COL23A1: variants seen among roughly 807,000 people sequenced by gnomAD.
COL23A1 encodes the protein collagen alpha-1(XXIII) chain.
COL23A1 carries 97 observed loss-of-function variants against 99.3 expected under a neutral mutation model. The observed-to-expected ratio is 0.98, with a 90% confidence interval of 0.83 to 1.16. The LOEUF is 1.16. COL23A1 is among the 50% of genes most tolerant of loss of function. COL23A1 has a pLI of 0.00. For synonymous variants in COL23A1, 320 were observed against 308.2 expected (o/e 1.04, Z -0.40); for missense variants, 762 against 757.4 (o/e 1.01, Z -0.07).
chr5:178,324,555 TCGCTCCGTTG>T (rs1266960687), intron 2 of COL23A1, among the ~76,000 whole-genome samples: 3 of 152,152 alleles, frequency 2.0e-5, no homozygotes, highest in African/African-American at 4.8e-5. Flanking sequence ...GTCACGCAAG[TCGCTCCGTTG>T]CTTTTCACAG....
chr5:178,538,748 C>T (rs1470579982), intron 2 of COL23A1, among the ~76,000 whole-genome samples: 1 of 152,160 alleles, frequency 6.6e-6, no homozygotes, highest in Non-Finnish European at 1.5e-5. Flanking sequence ...GAAATGAAAA[C>T]ATATGTTCCC....
At position 178,434,537 on chromosome 5, in the gene COL23A1, G is replaced by A. The variant is rs749329399; in HGVS notation, c.361+126145C>T. On this transcript the variant is annotated intron_variant, in intron 2 of 28. Coordinates refer to ENST00000390654, the MANE Select transcript of COL23A1 (RefSeq NM_173465.4). This position sits in a 1 kb window ranked among gnomAD's most constrained non-coding sequence, Gnocchi z 4.3. ...AGATCAAAGGAGAGGAGGGGCAGCTGAGCCCCAGCCTGGGGCCTTCCCTGG... is the reference window on the plus strand; with the variant it reads ...AGATCAAAGGAGAGGAGGGGCAGCTAAGCCCCAGCCTGGGGCCTTCCCTGG... 5.9e-5 allele frequency among the ~76,000 whole-genome samples: 9 copies of A among 152,202 alleles called. No homozygotes were observed. The highest frequency in any genetic ancestry group is 1.0e-4 in the Non-Finnish European group (7 of 68,022).
chr5:178,466,272 T>C (rs1381495674), intron 2 of COL23A1, among the ~76,000 whole-genome samples: 1 of 152,172 alleles, frequency 6.6e-6, no homozygotes, highest in Non-Finnish European at 1.5e-5. Context: ...ATTTGATGCA[T>C]CTGCAGAGCA....
intron 2 of COL23A1, among the ~76,000 whole-genome samples, chr5:178,542,732 T>A (rs1281081983): frequency 1.3e-5 from 2 of 151,306 alleles, no homozygotes; most frequent in Non-Finnish European, 2.9e-5. Flanking sequence ...CTGGGGAGAG[T>A]TCCCTCTCTG....
At chr5:178,284,476 T>C (rs989626534) in intron 5 of COL23A1, among the ~76,000 whole-genome samples, 1 of 152,224 alleles carries the variant, frequency 6.6e-6, no homozygotes, top group African/African-American at 2.4e-5. Context: ...GAATGTAAAT[T>C]AGTACAGTCT....
intron 2 of COL23A1, among the ~76,000 whole-genome samples, chr5:178,496,512 T>A: frequency 6.6e-6 from 1 of 152,258 alleles, no homozygotes; most frequent in East Asian, 1.9e-4. Context: ...TAATCTTTTT[T>A]GATATTTTAA....
At chr5:178,518,057 T>G (rs1759659161) in intron 2 of COL23A1, among the ~76,000 whole-genome samples, 1 of 129,660 alleles carries the variant, frequency 7.7e-6, no homozygotes, top group Non-Finnish European at 1.6e-5. Context: ...TCCGCAGTGT[T>G]TGTGTCCCTG....
chr5:178,457,811 G>A (rs1755881702), intron 2 of COL23A1, among the ~76,000 whole-genome samples: 1 of 152,168 alleles, frequency 6.6e-6, no homozygotes, highest in African/African-American at 2.4e-5. Flanking sequence ...CAGAGTAAAA[G>A]ATCATGTTAA....
intron 17 of COL23A1, among the ~76,000 whole-genome samples, chr5:178,252,124 A>G (rs1300612676): frequency 2.0e-5 from 3 of 151,950 alleles, no homozygotes; most frequent in African/African-American, 7.2e-5. Context: ...CATGTTGGCC[A>G]GGCTGGTCTC....
At chr5:178,566,951 A>G (rs190941201) in intron 1 of COL23A1, among the ~76,000 whole-genome samples, 1 of 152,354 alleles carries the variant, frequency 6.6e-6, no homozygotes, top group East Asian at 1.9e-4. Context: ...ACTACTTTAT[A>G]TACACATTAG....
chr5:178,587,363 C>T (rs1426174260), intron 1 of COL23A1, among the ~76,000 whole-genome samples: 1 of 152,120 alleles, frequency 6.6e-6, no homozygotes. Context: ...CATTATCGGG[C>T]ACATCAGCCG....
At chr5:178,527,833 C>T (rs1760400564) in intron 2 of COL23A1, among the ~76,000 whole-genome samples, 1 of 152,244 alleles carries the variant, frequency 6.6e-6, no homozygotes, top group Non-Finnish European at 1.5e-5. Context: ...CAGGCAAATG[C>T]AGCGTCTTGT....
At chr5:178,564,740 T>C (rs1762761368) in intron 1 of COL23A1, among the ~76,000 whole-genome samples, 1 of 152,172 alleles carries the variant, frequency 6.6e-6, no homozygotes, top group Non-Finnish European at 1.5e-5. Flanking sequence ...AGAGGATACG[T>C]TTATTAACGA....
rs746307089 is a variant in COL23A1, at chr5:178,307,659, G to T, written c.362-740C>A. Reference sequence around the variant, plus strand: ...TGAAGGAGACGCTTTGACTCTGGCCGTGGGAGCAGAGGTCTGAGGCCTCCC... The same window carrying T: ...TGAAGGAGACGCTTTGACTCTGGCCTTGGGAGCAGAGGTCTGAGGCCTCCC... On this transcript the variant is annotated intron_variant, in intron 2 of 28. Coordinates refer to ENST00000390654, the MANE Select transcript of COL23A1 (RefSeq NM_173465.4). This position sits in a 1 kb window ranked among gnomAD's most constrained non-coding sequence, Gnocchi z 4.2. Among the ~76,000 whole-genome samples, 1 of 152,228 alleles carries T rather than the reference G, an allele frequency of 6.6e-6. No individual in the cohort carries two copies. The highest frequency in any genetic ancestry group is 1.5e-5 in the Non-Finnish European group (1 of 68,040).
At chr5:178,554,097 C>A (rs570650448) in intron 2 of COL23A1, among the ~76,000 whole-genome samples, 3 of 152,070 alleles carry the variant, frequency 2.0e-5, no homozygotes, top group African/African-American at 7.2e-5. Flanking sequence ...AACAGAGAAT[C>A]GGGCCACGCA....
At chr5:178,285,948 C>T (rs1194911239) in intron 5 of COL23A1, among the ~76,000 whole-genome samples, 1 of 152,244 alleles carries the variant, frequency 6.6e-6, no homozygotes, top group East Asian at 1.9e-4. Flanking sequence ...GTGTCTGCCC[C>T]ACCCTGTGGG....
intron 2 of COL23A1, among the ~76,000 whole-genome samples, chr5:178,311,034 C>T (rs369867580): frequency 7.2e-5 from 11 of 152,154 alleles, no homozygotes; most frequent in African/African-American, 2.2e-4. Context: ...GAGGGTCTAG[C>T]GCTGAAGACC....
At chr5:178,461,194 G>A (rs926100164) in intron 2 of COL23A1, among the ~76,000 whole-genome samples, 37 of 152,204 alleles carry the variant, frequency 2.4e-4, no homozygotes, top group African/African-American at 8.2e-4. Flanking sequence ...CCAACCTTGT[G>A]GCCACAAGGA....
intron 1 of COL23A1, among the ~76,000 whole-genome samples, chr5:178,575,604 C>G (rs1325107368): frequency 6.6e-6 from 1 of 152,178 alleles, no homozygotes; most frequent in Non-Finnish European, 1.5e-5. Flanking sequence ...CCTAGATGGG[C>G]AGTGGCAAAG....
Sources: gnomAD v4.1 joint callset for allele counts (sites outside exome capture counted in the v4.1 genomes callset) on GRCh38, gnomAD v4.1.1 for gene constraint, Gnocchi (gnomAD v3.1) non-coding constraint, MANE v1.5 for transcripts, NCBI Gene and HGNC (gene_info 2026-07-23, HGNC 2026-07-21) for gene names.